The following MGST1 variants were observed in gnomAD, a reference collection of about 807,000 sequenced individuals.
MGST1 encodes the protein glutathione S-transferase 12.
Under a neutral mutation model 8.9 loss-of-function variants are expected in MGST1, and 5 were observed. The observed-to-expected ratio is 0.56, with a 90% CI of 0.29 to 1.19. The LOEUF is 1.19. Among genes scored for constraint, MGST1 ranks in the 50% most tolerant of loss-of-function variants. MGST1 has a pLI of 0.08. For missense variants in MGST1, 182 were observed against 187.4 expected (o/e 0.97, Z 0.17); for synonymous variants, 54 against 67.8 (o/e 0.80, Z 1.00).
At chr12:16,475,448 A>G (rs1369650107) in intron 4 of MGST1, among the ~76,000 whole-genome samples, 1 of 152,234 alleles carries the variant, frequency 6.6e-6, no homozygotes, top group Admixed American at 6.5e-5. Flanking sequence ...TTAATAGATT[A>G]ATGATTCCCA....
intron 3 of MGST1, 130 bp downstream of exon 3, chr12:16,357,829 T>TA: frequency 1.5e-6 from 1 of 653,790 alleles, no homozygotes; most frequent in South Asian, 2.1e-5. Flanking sequence ...ACATGACAAT[T>TA]ACAGAAAACT....
At chr12:16,383,096 G>A (rs1940472137) in exon 1 of MGST1, 1 of 152,562 alleles carries the variant, frequency 6.6e-6, no homozygotes, top group South Asian at 2.1e-4. Flanking sequence ...GCACTTCCTG[G>A]GTGAGGCGAT....
chr12:16,506,060 G>A (rs1941536266), intron 4 of MGST1, among the ~76,000 whole-genome samples: 1 of 152,214 alleles, frequency 6.6e-6, no homozygotes, highest in African/African-American at 2.4e-5. Context: ...AAAGTATGAT[G>A]TAAGATAAAA....
chr12:16,514,585 C>T (rs1941599455), intron 4 of MGST1, among the ~76,000 whole-genome samples: 1 of 152,196 alleles, frequency 6.6e-6, no homozygotes, highest in Admixed American at 6.5e-5. Flanking sequence ...ATCTACGTGA[C>T]AAAGGACAGC....
intron 4 of MGST1, among the ~76,000 whole-genome samples, chr12:16,569,299 G>GT (rs1277016134): frequency 6.6e-6 from 1 of 152,088 alleles, no homozygotes; most frequent in Admixed American, 6.6e-5. Context: ...ATACTTCTTT[G>GT]TTTTTCCCTG....
At chr12:16,395,804 TACAC>T (rs61693803) in intron 1 of MGST1, among the ~76,000 whole-genome samples, 1,361 of 121,944 alleles carry the variant, frequency 0.011, 19 homozygotes, top group Non-Finnish European at 0.015. Context: ...TATATATATA[TACAC>T]ACACACACAC....
chr12:16,401,032 G>C lies in MGST1; in HGVS notation n.778+17428G>C, dbSNP rs1565447597. 2 of 1,587,506 alleles carry C rather than the reference G, an allele frequency of 1.3e-6. No homozygotes were observed. The highest frequency in any genetic ancestry group is 1.3e-5 in the African/African-American group (1 of 74,466). ...TCTCTTCTGCAGTCATTTCATTCCT[G>C]TTCTTTCTGTAAGTAATGCTGCCCG... On this transcript the variant is annotated intron_variant and non_coding_transcript_variant, in intron 1 of 1. Coordinates refer to the MGST1 transcript ENST00000359720. This position sits in a 1 kb window ranked among gnomAD's most constrained non-coding sequence, Gnocchi z 4.3.
At chr12:16,384,774 C>A (rs937011383) in intron 1 of MGST1, among the ~76,000 whole-genome samples, 2 of 152,242 alleles carry the variant, frequency 1.3e-5, no homozygotes, top group African/African-American at 4.8e-5. Context: ...AGGTAGTTTG[C>A]AGGGGTGAGT....
intron 1 of MGST1, among the ~76,000 whole-genome samples, chr12:16,411,198 T>G (rs535719861): frequency 4.7e-4 from 71 of 152,190 alleles, no homozygotes; most frequent in Non-Finnish European, 9.1e-4. Context: ...TCATGTAGGC[T>G]CTAAGCTGCA....
chr12:16,511,493 TAAAA>T (rs1438807904), intron 4 of MGST1, among the ~76,000 whole-genome samples: 3 of 152,174 alleles, frequency 2.0e-5, no homozygotes, highest in Admixed American at 6.5e-5. Flanking sequence ...TTCTTAAACT[TAAAA>T]AAAGTCATAT....
rs1942315703 is a variant in MGST1, at chr12:16,559,640, G to A, written n.483-29888G>A. On this transcript the variant is annotated intron_variant and non_coding_transcript_variant, in intron 4 of 4. Transcript: ENST00000538857. The surrounding 1 kb of genome is among the most constrained non-coding windows in gnomAD (Gnocchi z 4.1). The stretch of plus-strand genomic sequence containing the variant: ...AACTGCAAAAGTACATATAGGACAG[G>A]GTTAAAATTTAAGGTAAACAGCTAG... Among the ~76,000 whole-genome samples the A allele has an allele frequency of 6.6e-6, 1 of 151,980 alleles. No individual in the cohort carries two copies. The highest frequency in any genetic ancestry group is 1.5e-5 in the Non-Finnish European group (1 of 67,984).
At chr12:16,540,160 C>G (rs564925165) in intron 4 of MGST1, among the ~76,000 whole-genome samples, 1 of 152,322 alleles carries the variant, frequency 6.6e-6, no homozygotes, top group South Asian at 2.1e-4. Context: ...CTGTTTTGCC[C>G]TTGCTTTCCC....
chr12:16,451,749 T>C (rs1329884404), intron 4 of MGST1, among the ~76,000 whole-genome samples: 2 of 151,918 alleles, frequency 1.3e-5, no homozygotes, highest in African/African-American at 2.4e-5. Context: ...CAATGATTCA[T>C]GTAATATTAT....
chr12:16,360,324 C>A, intron 3 of MGST1: 1 of 984,794 alleles, frequency 1.0e-6, no homozygotes, highest in Non-Finnish European at 1.2e-6. Flanking sequence ...TTACGATTAG[C>A]ATATTTGAAC....
intron 1 of MGST1, among the ~76,000 whole-genome samples, chr12:16,432,705 CACACACACACACACACACACACACACAG>C (rs1460233400): frequency 2.1e-5 from 3 of 145,444 alleles, no homozygotes; most frequent in Non-Finnish European, 3.0e-5. Flanking sequence ...CACACACACA[CACACACACACACACACACACACACACAG>C]AGAGAGAGAA....
In MGST1 at chr12:16,548,378, A is replaced by C. The variant is rs1199569067; in HGVS notation, n.483-41150A>C. On this transcript the variant is annotated intron_variant and non_coding_transcript_variant, in intron 4 of 4. Transcript: ENST00000538857. The surrounding 1 kb of genome is among the most constrained non-coding windows in gnomAD (Gnocchi z 4.2). ...CCAATTAAGTGCAATCAAATAGTGT[A>C]ACACCCCTTTTATTAAAAACATAAA... is the stretch of plus-strand genomic sequence containing the variant. 1 of 152,180 alleles carries C rather than the reference A, an allele frequency of 6.6e-6. No individual in the cohort carries two copies. Among genetic ancestry groups the C allele is most frequent in the Non-Finnish European group, 1.5e-5 (1 of 68,020 alleles). 9.4% of individuals were successfully genotyped at this position (152,180 alleles called of 1,614,324 possible).
At position 16,447,869 on chromosome 12, in the gene MGST1, A is replaced by G. The variant is rs536050998; in HGVS notation, n.482+64265A>G. Among the ~76,000 whole-genome samples, 4 of 152,100 alleles carry G rather than the reference A, an allele frequency of 2.6e-5. No homozygotes were observed. The South Asian group carries it at 8.3e-4, about 32-fold the overall frequency. ...AGATTTTCTAGTTGCTTATGGTAAG[A>G]ACTTAATTTCAAAGCTGGTAACTGC... On this transcript the variant is annotated intron_variant and non_coding_transcript_variant, in intron 4 of 4. Coordinates refer to the MGST1 transcript ENST00000538857.
intron 4 of MGST1, among the ~76,000 whole-genome samples, chr12:16,450,840 G>A (rs111485708): frequency 0.11 from 43 of 378 alleles, no homozygotes; most frequent in African/African-American, 0.14. Flanking sequence ...TATATATTCC[G>A]TGTGTGTGTG....
chr12:16,386,672 C>A (rs181284343), intron 1 of MGST1, among the ~76,000 whole-genome samples: 2 of 152,146 alleles, frequency 1.3e-5, no homozygotes, highest in African/African-American at 4.8e-5. Context: ...TGTGAGTTTG[C>A]GAACACCCAA....
Sources: allele counts gnomAD v4.1 joint callset (sites outside exome capture counted in the v4.1 genomes callset), GRCh38; gene constraint gnomAD v4.1.1; non-coding constraint Gnocchi (gnomAD v3.1); transcripts MANE v1.5; gene names NCBI Gene and HGNC (gene_info 2026-07-23, HGNC 2026-07-21).